NAV3: variants seen among roughly 807,000 people sequenced by gnomAD.
NAV3 encodes pore membrane and/or filament interacting like protein 1.
NAV3 carries 87 observed loss-of-function variants against 244.7 expected under a neutral mutation model. The observed-to-expected ratio is 0.36, with a 90% CI of 0.30 to 0.42. The LOEUF (loss-of-function observed/expected upper bound fraction) is 0.42, where lower values mean the gene tolerates loss of function less well. Among genes scored for constraint, NAV3 ranks in the 20% least tolerant of loss-of-function variants. The pLI, the probability that NAV3 is intolerant of heterozygous loss-of-function variation, is 1.00. For synonymous variants in NAV3, 1,126 were observed against 1,042.2 expected (o/e 1.08, Z -1.55); for missense variants, 2,663 against 2,893.3 (o/e 0.92, Z 1.83).
intron 3 of NAV3, among the ~76,000 whole-genome samples, chr12:77,946,943 T>G (rs1259277089): frequency 6.6e-6 from 1 of 152,108 alleles, no homozygotes; most frequent in Non-Finnish European, 1.5e-5. Flanking sequence ...AAACCAAGTA[T>G]TAGGCTATGT....
intron 9 of NAV3, among the ~76,000 whole-genome samples, chr12:78,040,322 A>G (rs764978284): frequency 6.6e-6 from 1 of 152,172 alleles, no homozygotes; most frequent in African/African-American, 2.4e-5. Context: ...TGAGGAGGGC[A>G]GTGTCATAAG....
intron 12 of NAV3, among the ~76,000 whole-genome samples, chr12:78,105,995 T>C (rs1201739301): frequency 1.3e-5 from 2 of 151,548 alleles, no homozygotes; most frequent in East Asian, 3.9e-4. Flanking sequence ...TCTGAAGTTA[T>C]TTTTCCTAGA....
intron 3 of NAV3, among the ~76,000 whole-genome samples, chr12:77,943,462 C>A (rs903556465): frequency 1.1e-4 from 16 of 152,166 alleles, no homozygotes; most frequent in Admixed American, 6.6e-5. Flanking sequence ...CCTTCAATTT[C>A]TTGATTCAGA....
At chr12:77,683,337 C>CA (rs1874558051) in intron 2 of NAV3, among the ~76,000 whole-genome samples, 1 of 151,594 alleles carries the variant, frequency 6.6e-6, no homozygotes, top group East Asian at 1.9e-4. Flanking sequence ...ATAGTTTTAT[C>CA]TCTGGATACC....
At chr12:78,096,249 A>C (rs1211384524) in intron 12 of NAV3, among the ~76,000 whole-genome samples, 1 of 152,192 alleles carries the variant, frequency 6.6e-6, no homozygotes, top group African/African-American at 2.4e-5. Flanking sequence ...AACAGTGAAG[A>C]ATATCATAAC....
chr12:77,586,632 A>G (rs1565726001), intron 2 of NAV3, among the ~76,000 whole-genome samples: 2 of 152,236 alleles, frequency 1.3e-5, no homozygotes, highest in Non-Finnish European at 2.9e-5. Context: ...CTATTGCAAA[A>G]TAGGAACAGG....
Position 77,847,771 on chromosome 12 carries a change from G to A in NAV3, c.243+16067G>A, listed in dbSNP as rs139931228. On this transcript the variant is annotated intron_variant, in intron 1 of 39. Transcript: ENST00000397909. ...AGAAAGTCTCTGATGTCTTAGCCCC[G>A]TGTTTGTTCTCTGCATGTGTAGCTT... 7.2e-5 allele frequency among the ~76,000 whole-genome samples: 11 copies of A among 152,224 alleles called. No individual in the cohort carries two copies. The East Asian group carries it at 1.3e-3, about 19-fold the overall frequency.
At chr12:78,093,236 CTTTTA>C (rs920147992) in intron 12 of NAV3, among the ~76,000 whole-genome samples, 6 of 152,122 alleles carry the variant, frequency 3.9e-5, no homozygotes, top group African/African-American at 7.2e-5. Context: ...ACATAATGCA[CTTTTA>C]TTTATTTGTT....
intron 2 of NAV3, among the ~76,000 whole-genome samples, chr12:77,791,864 T>TA (rs1871191256): frequency 6.6e-6 from 1 of 152,270 alleles, no homozygotes; most frequent in East Asian, 1.9e-4. Context: ...TGTGACTTAT[T>TA]ATAAGTAATC....
chr12:77,891,786 G>A (rs1161819945), intron 1 of NAV3, among the ~76,000 whole-genome samples: 1 of 152,132 alleles, frequency 6.6e-6, no homozygotes, highest in Non-Finnish European at 1.5e-5. Flanking sequence ...ATGCTTTTCT[G>A]TGTTACACTC....
In NAV3 at chr12:77,673,560, A is replaced by C. The variant is rs188553020; in HGVS notation, c.72+101294A>C. Among the ~76,000 whole-genome samples the C allele has an allele frequency of 1.5e-4, 23 of 152,192 alleles. No homozygotes were observed. The East Asian group carries it at 4.1e-3, about 27-fold the overall frequency. On this transcript the variant is annotated intron_variant, in intron 2 of 8. Transcript: ENST00000550042. The stretch of plus-strand genomic sequence containing the variant: ...TTTTGATAAATATGAAAGATGCAAT[A>C]ATTTTTTGAACACTCCTCCAAGTAA...
chr12:78,005,582 C>T (rs1874060287), intron 7 of NAV3, among the ~76,000 whole-genome samples: 1 of 152,196 alleles, frequency 6.6e-6, no homozygotes, highest in Non-Finnish European at 1.5e-5. Context: ...ATCATGTGTG[C>T]ACATTAAAGT....
intron 2 of NAV3, among the ~76,000 whole-genome samples, chr12:77,746,028 C>T (rs529260038): frequency 2.7e-5 from 4 of 147,090 alleles, no homozygotes; most frequent in African/African-American, 9.9e-5. Flanking sequence ...ATCCTATAAT[C>T]CAGTAGTAAA....
intron 1 of NAV3, among the ~76,000 whole-genome samples, chr12:77,874,600 C>A (rs1881571233): frequency 1.3e-5 from 2 of 151,204 alleles, no homozygotes; most frequent in South Asian, 4.2e-4. Flanking sequence ...TAAACAATTT[C>A]TTGTGGTTAG....
At chr12:77,803,863 T>C (rs909756143) in intron 2 of NAV3, among the ~76,000 whole-genome samples, 1 of 152,232 alleles carries the variant, frequency 6.6e-6, no homozygotes, top group Non-Finnish European at 1.5e-5. Context: ...TTGATTTGCA[T>C]TTCTTTAATG....
intron 2 of NAV3, among the ~76,000 whole-genome samples, chr12:77,606,844 C>T (rs754506350): frequency 3.3e-5 from 5 of 152,042 alleles, no homozygotes; most frequent in African/African-American, 4.8e-5. Flanking sequence ...TCCCAAACTT[C>T]TAGGAACAGT....
chr12:77,686,203 C>G (rs1301360014), intron 2 of NAV3, among the ~76,000 whole-genome samples: 2 of 152,122 alleles, frequency 1.3e-5, no homozygotes, highest in African/African-American at 4.8e-5. Flanking sequence ...AGCAATTCTC[C>G]TGCCTCAGCC....
At chr12:77,659,077 A>T (rs1470741526) in intron 2 of NAV3, among the ~76,000 whole-genome samples, 1 of 151,930 alleles carries the variant, frequency 6.6e-6, no homozygotes, top group South Asian at 2.1e-4. Flanking sequence ...AAACACCAAA[A>T]GCAATGGCAA....
At chr12:78,130,757 A>G (rs985271583) in intron 18 of NAV3, 1 of 153,280 alleles carries the variant, frequency 6.5e-6, no homozygotes, top group African/African-American at 2.4e-5. Flanking sequence ...CTTGCCAGAG[A>G]AAACATCCTG....
Sources: gnomAD v4.1 joint callset for allele counts (sites outside exome capture counted in the v4.1 genomes callset) on GRCh38, gnomAD v4.1.1 for gene constraint, MANE v1.5 for transcripts, NCBI Gene and HGNC (gene_info 2026-07-23, HGNC 2026-07-21) for gene names.